The following PRKCH variants were observed in gnomAD, a reference collection of about 807,000 sequenced individuals.
PRKCH encodes protein kinase C eta, also known as protein kinase C eta type.
Under a neutral mutation model 82.5 loss-of-function variants are expected in PRKCH, and 28 were observed. The ratio of observed to expected loss-of-function variants is 0.34; its 90% CI spans 0.25 to 0.47. The LOEUF is 0.47. PRKCH is among the 20% of genes least tolerant of loss of function. The pLI is 1.00. For missense variants in PRKCH, 705 were observed against 881.8 expected, an observed-to-expected ratio of 0.80 and a Z score of 2.54; for synonymous variants, 322 against 327.4, an observed-to-expected ratio of 0.98 and a Z score of 0.18.
chr14:61,445,666 G>A, intron 3 of PRKCH, 26 bp from the exon 4 acceptor site: 2 of 1,596,536 alleles, frequency 1.3e-6, no homozygotes, highest in South Asian at 1.1e-5. Flanking sequence ...ATACTTGACT[G>A]ATGGTAGTTT....
At chr14:61,434,948 A>T (rs999276037) in intron 2 of PRKCH, among the ~76,000 whole-genome samples, 2 of 152,216 alleles carry the variant, frequency 1.3e-5, no homozygotes, top group Non-Finnish European at 2.9e-5. Flanking sequence ...ACTATAGCAG[A>T]TAAATAAATA....
chr14:61,422,747 A>C (rs1167552206), intron 2 of PRKCH, among the ~76,000 whole-genome samples: 1 of 151,372 alleles, frequency 6.6e-6, no homozygotes, highest in East Asian at 2.0e-4. Context: ...CTTGTTGCCC[A>C]CCCCAGATAT....
At chr14:61,351,519 G>A (rs1395187576) in intron 1 of PRKCH, among the ~76,000 whole-genome samples, 2 of 152,178 alleles carry the variant, frequency 1.3e-5, no homozygotes, top group Non-Finnish European at 2.9e-5. Context: ...GGATGCATGT[G>A]TACATTTAAG....
chr14:61,518,629 A>T (rs1221094169), intron 10 of PRKCH, among the ~76,000 whole-genome samples: 1 of 152,080 alleles, frequency 6.6e-6, no homozygotes, highest in Admixed American at 6.6e-5. Flanking sequence ...ACCGTGAGAC[A>T]AAGTGAGGGG....
In PRKCH at chr14:61,285,107, C is replaced by T. The variant is rs77603721; in HGVS notation, c.-19+97439C>T. On this transcript the variant is annotated intron_variant, in intron 1 of 3. Coordinates refer to the PRKCH transcript ENST00000555185. ...ACCCTTTTTAAAAAAAACTATGTGT[C>T]TCCCTTTCCCCCTAACGTTTTCTTT... is the stretch of plus-strand genomic sequence containing the variant. Among the ~76,000 whole-genome samples, 447 of 152,244 alleles carry T rather than the reference C, an allele frequency of 2.9e-3. 2 individuals carry two copies. The highest frequency in any genetic ancestry group is 0.01 in the African/African-American group (426 of 41,550).
chr14:61,350,744 G>A (rs1041183818), intron 1 of PRKCH, among the ~76,000 whole-genome samples: 1 of 152,164 alleles, frequency 6.6e-6, no homozygotes, highest in East Asian at 1.9e-4. Flanking sequence ...TGTTTACTGT[G>A]CCAACCCCTT....
intron 1 of PRKCH, among the ~76,000 whole-genome samples, chr14:61,246,031 C>G (rs938140413): frequency 5.3e-5 from 8 of 152,244 alleles, no homozygotes; most frequent in African/African-American, 1.4e-4. Context: ...TTAGGAGGGT[C>G]CTTCGCCCTC....
intron 1 of PRKCH, among the ~76,000 whole-genome samples, chr14:61,244,425 T>C (rs1397341723): frequency 6.6e-6 from 1 of 152,230 alleles, no homozygotes. Flanking sequence ...TTTGTTACAA[T>C]GCTTTTGAGT....
chr14:61,440,825 G>A (rs1883925773), intron 2 of PRKCH, among the ~76,000 whole-genome samples: 1 of 151,872 alleles, frequency 6.6e-6, no homozygotes, highest in African/African-American at 2.4e-5. Context: ...AATGAGCTGA[G>A]AACACGCCAC....
chr14:61,525,575 T>G (rs543429590), intron 10 of PRKCH: 1 of 152,328 alleles, frequency 6.6e-6, no homozygotes, highest in Non-Finnish European at 1.5e-5. Context: ...GGCCCAGCAC[T>G]TTCTCTCCCT....
intron 12 of PRKCH, among the ~76,000 whole-genome samples, chr14:61,535,552 A>T (rs902771519): frequency 6.6e-6 from 1 of 152,128 alleles, no homozygotes. Flanking sequence ...TTGGAGTGTG[A>T]TGAGCAAAGG....
chr14:61,236,157 G>A (rs566237059), intron 1 of PRKCH, among the ~76,000 whole-genome samples: 37 of 152,262 alleles, frequency 2.4e-4, no homozygotes, highest in African/African-American at 8.9e-4. Flanking sequence ...ATGACGTGAG[G>A]TCAGGAGTTT....
intron 10 of PRKCH, among the ~76,000 whole-genome samples, chr14:61,505,354 A>G (rs1388135102): frequency 6.9e-6 from 1 of 144,222 alleles, no homozygotes; most frequent in Non-Finnish European, 1.5e-5. Flanking sequence ...GGAAGCCGTG[A>G]GAGAGCTCTC....
chr14:61,387,472 G>T (rs1329161857), intron 1 of PRKCH, among the ~76,000 whole-genome samples: 1 of 152,192 alleles, frequency 6.6e-6, no homozygotes, highest in Non-Finnish European at 1.5e-5. Context: ...AGCTGTAGAG[G>T]GCGAAACTAA....
Position 61,457,326 on chromosome 14 carries a change from C to T in PRKCH, c.1104+7C>T. 6 of 1,613,666 alleles carry T rather than the reference C, an allele frequency of 3.7e-6. No homozygotes were observed. The Admixed American group carries it at 1.0e-4, about 27-fold the overall frequency. On this transcript the variant is annotated splice_region_variant and intron_variant, in intron 8 of 13. Transcript: ENST00000332981. The stretch of plus-strand genomic sequence containing the variant: ...GAAGGGGAGTTTTGGGAAGGTGAGT[C>T]TTGGCTTTAACTGTTTGGGTTGAAG...
chr14:61,493,767 G>C (rs986245577), intron 10 of PRKCH, among the ~76,000 whole-genome samples: 4 of 151,854 alleles, frequency 2.6e-5, no homozygotes, highest in African/African-American at 9.7e-5. Flanking sequence ...GCAGCAGCCA[G>C]GTTGCAAGGG....
intron 5 of PRKCH, among the ~76,000 whole-genome samples, chr14:61,449,900 C>CTCTCTCTCTGTG (rs1351833573): frequency 5.4e-5 from 2 of 36,894 alleles, no homozygotes; most frequent in African/African-American, 8.8e-5. Flanking sequence ...CTCTCTCTCT[C>CTCTCTCTCTGTG]TGTGTGTGTG....
intron 10 of PRKCH, among the ~76,000 whole-genome samples, chr14:61,526,722 C>T (rs1223481682): frequency 6.6e-6 from 1 of 152,232 alleles, no homozygotes; most frequent in Non-Finnish European, 1.5e-5. Context: ...CCTGACACAA[C>T]CCACAGTGAA....
At chr14:61,520,271 G>T (rs1037448883) in intron 10 of PRKCH, among the ~76,000 whole-genome samples, 1 of 145,958 alleles carries the variant, frequency 6.9e-6, no homozygotes, top group Admixed American at 6.7e-5. Flanking sequence ...TTTTCCTCCT[G>T]TCTTTCCTCC....
Sources: gnomAD v4.1 joint callset for allele counts (sites outside exome capture counted in the v4.1 genomes callset) on GRCh38, gnomAD v4.1.1 for gene constraint, MANE v1.5 for transcripts, NCBI Gene and HGNC (gene_info 2026-07-23, HGNC 2026-07-21) for gene names.